MCM5: variants seen among roughly 807,000 people sequenced by gnomAD.
MCM5 encodes minichromosome maintenance complex component 5, also known as DNA replication licensing factor MCM5.
MCM5 carries 46 observed loss-of-function variants against 79.9 expected under a neutral mutation model. That is an observed-to-expected ratio of 0.58 (90% CI 0.45 to 0.74). MCM5 has a LOEUF of 0.74. Ranked by LOEUF, MCM5 falls within the 30% of genes least tolerant of loss-of-function variation. The pLI is 0.00. For missense variants in MCM5, 883 were observed against 1,017.0 expected (o/e 0.87, Z 1.79); for synonymous variants, 404 against 390.5 (o/e 1.03, Z -0.41).
At position 35,416,743 on chromosome 22, in the gene MCM5, A is replaced by G. The variant is rs543995272; in HGVS notation, c.1519A>G (p.Met507Val). 4 of 1,614,144 alleles carry G rather than the reference A, an allele frequency of 2.5e-6. No individual in the cohort carries two copies. The highest frequency in any genetic ancestry group is 2.2e-5 in the East Asian group (1 of 44,874). Residue 507 changes from methionine to valine, a missense_variant, in exon 12 of 17, where the codon ATG (methionine) becomes GTG (valine). Physicochemically the swap from Met to Val is conservative, Grantham distance 21. Around this residue, in one of 3 missense-constraint regions of MCM5, gnomAD observed 426 missense variants for 482.3 expected, o/e 0.88. Coordinates refer to ENST00000216122, the MANE Select transcript of MCM5 (RefSeq NM_006739.4). ...GAAGGGGGAGGACAACATTGACTTC[A>G]TGCCCACCATCTTGTCGCGCTTCGA... Reference protein sequence around the residue: ...ETKGEDNIDFMPTILSRFDMI... With the variant: ...ETKGEDNIDFVPTILSRFDMI...
chr22:35,443,825 G>A, the MCM5 span, among the ~76,000 whole-genome samples: 1 of 152,160 alleles, frequency 6.6e-6, no homozygotes, highest in Non-Finnish European at 1.5e-5. Flanking sequence ...TCAGGATGGT[G>A]CCCCTTGAGC....
chr22:35,403,775 C>T (rs1430193861), intron 4 of MCM5, among the ~76,000 whole-genome samples: 1 of 152,180 alleles, frequency 6.6e-6, no homozygotes, highest in Admixed American at 6.5e-5. Flanking sequence ...TAATAATTAA[C>T]ATTTTGTGTT....
chr22:35,438,061 G>A, the MCM5 span, among the ~76,000 whole-genome samples: 2 of 152,106 alleles, frequency 1.3e-5, no homozygotes, highest in African/African-American at 4.8e-5. Context: ...AGATCTTCCA[G>A]GCAGAAGGAC....
intron 9 of MCM5, among the ~76,000 whole-genome samples, chr22:35,414,950 G>A (rs1461849275): frequency 6.6e-6 from 1 of 152,176 alleles, no homozygotes; most frequent in African/African-American, 2.4e-5. Flanking sequence ...GGGCGAGATG[G>A]TGGTCTTTGG....
intron 7 of MCM5, 143 bp from the exon 8 acceptor site, chr22:35,412,367 T>C: frequency 1.8e-6 from 1 of 568,642 alleles, no homozygotes; most frequent in Non-Finnish European, 2.9e-6. Context: ...GGGATCTCTG[T>C]TTACTCAGAT....
At chr22:35,401,720 G>C (rs1376836560) in intron 2 of MCM5, 1 of 464,650 alleles carries the variant, frequency 2.2e-6, no homozygotes, top group Admixed American at 2.4e-5. Context: ...ATGAAAAGAC[G>C]TGCTTCTTGT....
At chr22:35,416,876 TG>T in intron 12 of MCM5, 62 bp downstream of exon 12, 1 of 1,573,966 alleles carries the variant, frequency 6.4e-7, no homozygotes, top group Non-Finnish European at 8.7e-7. Flanking sequence ...TGTGATTGTG[TG>T]GGAAGGAGAA....
At chr22:35,403,098 A>C (rs1932107772) in intron 2 of MCM5, 109 bp from the exon 3 acceptor site, 2 of 1,315,496 alleles carry the variant, frequency 1.5e-6, no homozygotes, top group Non-Finnish European at 2.1e-6. Flanking sequence ...TGGTGAGGTC[A>C]TGGTGGCTGT....
the MCM5 span, among the ~76,000 whole-genome samples, chr22:35,450,305 C>A: frequency 7.3e-6 from 1 of 136,774 alleles, no homozygotes; most frequent in Non-Finnish European, 1.6e-5. Context: ...GTTTCCCAAT[C>A]TGCAGAACAG....
chr22:35,407,797 T>C (rs1932260441), intron 5 of MCM5, among the ~76,000 whole-genome samples: 1 of 152,238 alleles, frequency 6.6e-6, no homozygotes, highest in South Asian at 2.1e-4. Flanking sequence ...CACTCTTTAA[T>C]ATGATTGTTT....
At chr22:35,408,870 G>A (rs978495761) in intron 6 of MCM5, among the ~76,000 whole-genome samples, 1 of 152,224 alleles carries the variant, frequency 6.6e-6, no homozygotes. Flanking sequence ...CAAAGTCTGT[G>A]TTCTTCTTAG....
the MCM5 span, among the ~76,000 whole-genome samples, chr22:35,439,607 C>T: frequency 6.6e-6 from 1 of 152,190 alleles, no homozygotes; most frequent in Admixed American, 6.5e-5. Context: ...CTTAGGTTAT[C>T]TTCTTCCCTC....
intron 2 of MCM5, among the ~76,000 whole-genome samples, chr22:35,402,332 T>TA (rs1490318690): frequency 7.1e-6 from 1 of 141,250 alleles, no homozygotes. Context: ...TTGTTTTTTG[T>TA]TTTTTTTTTT....
chr22:35,416,119 C>T lies in MCM5; in HGVS notation c.1347+147C>T, dbSNP rs1932532788. The T allele has an allele frequency of 2.7e-6, 3 of 1,109,706 alleles. 1 individual carries two copies. The South Asian group carries it at 4.3e-5, about 16-fold the overall frequency. The allele number at this position is 1,109,706 out of a possible 1,614,324, so 68.7% of individuals were successfully genotyped here. A position where few individuals can be genotyped will look rare whatever the true frequency, so the allele number is the denominator to read the frequency against. On this transcript the variant is annotated intron_variant, in intron 10 of 16. Transcript: ENST00000216122. ...TCACTCTAGTAACTGTGGGAAGCTG[C>T]TTAACCTCTTCAAGCCTCAGTTCCC...
chr22:35,415,281 A>G (rs1262495780), intron 9 of MCM5, among the ~76,000 whole-genome samples: 1 of 152,200 alleles, frequency 6.6e-6, no homozygotes, highest in Non-Finnish European at 1.5e-5. Context: ...TCATTTCAAC[A>G]TGTTGTTTGA....
At position 35,410,885 on chromosome 22, in the gene MCM5, C is replaced by T; in HGVS notation, c.894C>T (p.Gly298=). 6.2e-7 allele frequency: 1 copy of T among 1,608,450 alleles called. No homozygotes were observed. The highest frequency in any genetic ancestry group is 8.5e-7 in the Non-Finnish European group (1 of 1,175,816). The stretch of plus-strand genomic sequence containing the variant: ...GAAGCTCCTACATCCGTGTCCTGGG[C>T]ATCCAGGTGGACACAGATGGCTCTG... ...GIRSSYIRVL[G]IQVDTDGSGR... The change falls in exon 7 of 17, where the codon GGC becomes GGT. Residue 298 remains glycine, a synonymous_variant. Transcript: ENST00000216122.
At chr22:35,428,349 G>A (rs181358529), downstream of MCM5, among the ~76,000 whole-genome samples, 3 of 151,366 alleles carry the variant, frequency 2.0e-5, no homozygotes, top group African/African-American at 7.3e-5. Flanking sequence ...AGAGATGGGG[G>A]TGGTTCTCAC....
chr22:35,404,052 G>T (rs2145783395), intron 4 of MCM5, among the ~76,000 whole-genome samples: 1 of 152,318 alleles, frequency 6.6e-6, no homozygotes, highest in South Asian at 2.1e-4. Flanking sequence ...TGAGGTTACA[G>T]TGAGCTCTGA....
chr22:35,435,532 C>T, the MCM5 span, among the ~76,000 whole-genome samples: 1 of 152,212 alleles, frequency 6.6e-6, no homozygotes, highest in Non-Finnish European at 1.5e-5. Context: ...CTATGGTGAC[C>T]AGACTCTCGG....
Sources: allele counts gnomAD v4.1 joint callset (sites outside exome capture counted in the v4.1 genomes callset), GRCh38; gene constraint gnomAD v4.1.1; regional missense constraint gnomAD v4.1.1; transcripts MANE v1.5; gene names NCBI Gene and HGNC (gene_info 2026-07-23, HGNC 2026-07-21).